Variants in BTBD9 observed in about 807,000 individuals in gnomAD.
BTBD9 encodes BTB/POZ domain-containing protein 9.
In BTBD9, 49 loss-of-function variants were observed where a neutral mutation model predicts 64.3. The observed-to-expected ratio is 0.76, with a 90% CI of 0.61 to 0.97. The LOEUF is 0.97. Ranked by LOEUF, BTBD9 falls within the 50% of genes least tolerant of loss-of-function variation. BTBD9 has a pLI of 0.00. For missense variants in BTBD9, 598 were observed against 762.1 expected (o/e 0.78, Z 2.53); for synonymous variants, 260 against 274.7 (o/e 0.95, Z 0.53).
At chr6:38,607,285 A>C (rs1209232369) in intron 1 of BTBD9, among the ~76,000 whole-genome samples, 3 of 152,176 alleles carry the variant, frequency 2.0e-5, no homozygotes, top group Non-Finnish European at 4.4e-5. Flanking sequence ...TATAATGAAA[A>C]ATTAAGAATA....
intron 6 of BTBD9, among the ~76,000 whole-genome samples, chr6:38,446,611 C>T (rs4623233): frequency 6.6e-6 from 1 of 152,082 alleles, no homozygotes; most frequent in Non-Finnish European, 1.5e-5. Flanking sequence ...CACACTGATA[C>T]TTGGCATTTA....
intron 10 of BTBD9, among the ~76,000 whole-genome samples, chr6:38,190,916 A>G (rs1213416583): frequency 6.6e-6 from 1 of 152,220 alleles, no homozygotes; most frequent in Non-Finnish European, 1.5e-5. Flanking sequence ...TCCTTCTGTT[A>G]TAATACAAAA....
At chr6:38,239,395 G>A (rs1053322061) in intron 9 of BTBD9, among the ~76,000 whole-genome samples, 2 of 146,788 alleles carry the variant, frequency 1.4e-5, no homozygotes, top group Non-Finnish European at 3.0e-5. Context: ...AGCCAAGATC[G>A]TGCCACTGCA....
chr6:38,331,962 T>C (rs1390058807), intron 7 of BTBD9, among the ~76,000 whole-genome samples: 2 of 152,236 alleles, frequency 1.3e-5, no homozygotes, highest in African/African-American at 4.8e-5. Context: ...ACATTTTTAA[T>C]GAAAAATATT....
At chr6:38,460,865 C>G (rs146457034) in intron 6 of BTBD9, among the ~76,000 whole-genome samples, 3 of 152,168 alleles carry the variant, frequency 2.0e-5, no homozygotes, top group African/African-American at 4.8e-5. Context: ...TCAGGTGATC[C>G]GCCCACCTTG....
intron 6 of BTBD9, among the ~76,000 whole-genome samples, chr6:38,410,103 A>G (rs1370139449): frequency 2.0e-5 from 3 of 152,234 alleles, no homozygotes; most frequent in Non-Finnish European, 4.4e-5. Context: ...GAATATCAAG[A>G]GTTTTTATTT....
intron 9 of BTBD9, among the ~76,000 whole-genome samples, chr6:38,243,237 A>G (rs1318707958): frequency 3.9e-5 from 6 of 152,194 alleles, no homozygotes; most frequent in Non-Finnish European, 8.8e-5. Context: ...AGATATGGTA[A>G]TTTTATATTT....
At chr6:38,568,263 T>C (rs1368405035) in intron 6 of BTBD9, among the ~76,000 whole-genome samples, 3 of 152,232 alleles carry the variant, frequency 2.0e-5, no homozygotes, top group Admixed American at 1.3e-4. Flanking sequence ...AAAATGACTA[T>C]GTAATTCACA....
chr6:38,502,746 T>A (rs1772272803), intron 6 of BTBD9, among the ~76,000 whole-genome samples: 1 of 152,180 alleles, frequency 6.6e-6, no homozygotes, highest in South Asian at 2.1e-4. Flanking sequence ...ATATATGGCA[T>A]CAGATTCATG....
At chr6:38,363,285 G>T (rs761560870) in intron 6 of BTBD9, among the ~76,000 whole-genome samples, 1 of 152,120 alleles carries the variant, frequency 6.6e-6, no homozygotes, top group Non-Finnish European at 1.5e-5. Flanking sequence ...TCTCTAGGCT[G>T]GGAGTAATGG....
At position 38,588,441 on chromosome 6, in the gene BTBD9, T is replaced by C. The variant is rs1205613893; in HGVS notation, c.814+4135A>G. ...CAAGTTTTACTTCACTTCCTGTAAGTAGCATGACCCCTCCTCCAACTGGGC... is the reference window on the plus strand; with the variant it reads ...CAAGTTTTACTTCACTTCCTGTAAGCAGCATGACCCCTCCTCCAACTGGGC... On this transcript the variant is annotated intron_variant, in intron 4 of 10. Transcript: ENST00000481247. 7 of 814,748 alleles carry C rather than the reference T, an allele frequency of 8.6e-6. No individual in the cohort carries two copies. In the Admixed American group the frequency reaches 1.1e-4, roughly 13 times the overall value. 50.5% of individuals were successfully genotyped at this position (814,748 alleles called of 1,614,324 possible). A position where few individuals can be genotyped will look rare whatever the true frequency, so the allele number is the denominator to read the frequency against.
At chr6:38,275,368 A>C (rs1190374928) in intron 8 of BTBD9, among the ~76,000 whole-genome samples, 2 of 152,166 alleles carry the variant, frequency 1.3e-5, no homozygotes, top group Non-Finnish European at 2.9e-5. Flanking sequence ...TAAAGACTTA[A>C]ACGTTAGACC....
At chr6:38,265,578 T>A (rs1202033509) in intron 8 of BTBD9, among the ~76,000 whole-genome samples, 1 of 151,594 alleles carries the variant, frequency 6.6e-6, no homozygotes, top group Non-Finnish European at 1.5e-5. Context: ...CTTGGCTTAC[T>A]GCAACCTCTG....
chr6:38,385,379 G>A (rs1420673024), intron 6 of BTBD9, among the ~76,000 whole-genome samples: 1 of 151,486 alleles, frequency 6.6e-6, no homozygotes. Context: ...TAGTAGAGAC[G>A]GGGTTTCACC....
At chr6:38,377,830 T>C (rs927644160) in intron 6 of BTBD9, among the ~76,000 whole-genome samples, 2 of 152,204 alleles carry the variant, frequency 1.3e-5, no homozygotes, top group African/African-American at 2.4e-5. Flanking sequence ...CTTTTTCTAA[T>C]ACAGGAATTG....
intron 6 of BTBD9, among the ~76,000 whole-genome samples, chr6:38,361,107 T>A (rs576756146): frequency 1.3e-5 from 2 of 152,254 alleles, no homozygotes; most frequent in South Asian, 4.2e-4. Context: ...CAGAATCACC[T>A]GGGGGACTTC....
At chr6:38,333,018 C>A (rs550857842) in intron 7 of BTBD9, among the ~76,000 whole-genome samples, 5 of 152,240 alleles carry the variant, frequency 3.3e-5, no homozygotes, top group Non-Finnish European at 5.9e-5. Flanking sequence ...TGTTCTAGAC[C>A]GTTATCCCAT....
At chr6:38,404,128 G>A (rs938058243) in intron 6 of BTBD9, among the ~76,000 whole-genome samples, 12 of 152,122 alleles carry the variant, frequency 7.9e-5, no homozygotes, top group Non-Finnish European at 1.6e-4. Context: ...TCTTTTTAGG[G>A]TGATAAAAAA....
chr6:38,354,787 C>T (rs1764650814), intron 6 of BTBD9, among the ~76,000 whole-genome samples: 1 of 151,960 alleles, frequency 6.6e-6, no homozygotes, highest in Admixed American at 6.6e-5. Context: ...TAAACTTATG[C>T]ATAAAGCTAC....
Sources: gnomAD v4.1 joint callset for allele counts (sites outside exome capture counted in the v4.1 genomes callset) on GRCh38, gnomAD v4.1.1 for gene constraint, MANE v1.5 for transcripts, NCBI Gene and HGNC (gene_info 2026-07-23, HGNC 2026-07-21) for gene names.